The following CYP3A5 variants were observed in gnomAD, a reference collection of about 807,000 sequenced individuals.
CYP3A5 encodes cytochrome P450 3A5.
A neutral mutation model predicts 55.9 loss-of-function variants in CYP3A5; 51 were observed. The observed-to-expected ratio is 0.91, with a 90% confidence interval of 0.73 to 1.15. The LOEUF (loss-of-function observed/expected upper bound fraction) is 1.15, where lower values mean the gene tolerates loss of function less well. CYP3A5 is among the 50% of genes most tolerant of loss of function. CYP3A5 has a pLI of 0.00. For missense variants in CYP3A5, 533 were observed against 596.6 expected (o/e 0.89, Z 1.11); for synonymous variants, 196 against 213.9 (o/e 0.92, Z 0.73).
chr7:99,679,927 G>T lies in CYP3A5; in HGVS notation c.-31C>A. 6.2e-7 allele frequency: 1 copy of T among 1,601,746 alleles called. No individual in the cohort carries two copies. Among genetic ancestry groups the T allele is most frequent in the Non-Finnish European group, 8.6e-7 (1 of 1,168,836 alleles). ...CTTTCCTTCTTCAACTGTGTTCTGT[G>T]AGTCTTCCTTTTAGCTGAGTGCTGC... On this transcript the variant is annotated 5_prime_UTR_variant, in exon 1 of 13. Transcript: ENST00000222982.
In CYP3A5 at chr7:99,666,684, G is replaced by C. The variant is rs1237059482; in HGVS notation, c.438C>G (p.Phe146Leu). The C allele has an allele frequency of 6.2e-7, 1 of 1,614,080 alleles. No homozygotes were observed. The highest frequency in any genetic ancestry group is 2.2e-5 in the East Asian group (1 of 44,872). Residue 146 changes from phenylalanine to leucine, a missense_variant, in exon 6 of 13, where the codon TTC becomes TTG. Physicochemically the swap from Phe to Leu is conservative, Grantham distance 22. Coordinates refer to ENST00000222982, the MANE Select transcript of CYP3A5 (RefSeq NM_000777.5). Reference protein sequence around the residue: ...TFTSGKLKEMFPIIAQYGDVL... With the variant: ...TFTSGKLKEMLPIIAQYGDVL... ...CATCTCCATACTGGGCAATGATGGG[G>C]AACATCTAAGCACAAAACAGATCAG...
chr7:99,665,950 T>C (rs41301676), intron 6 of CYP3A5, among the ~76,000 whole-genome samples: 3,833 of 152,248 alleles, frequency 0.025, 167 homozygotes, highest in African/African-American at 0.088. Context: ...CTCTCCAACA[T>C]TGATTTGGAG....
chr7:99,656,229 G>T lies in CYP3A5; in HGVS notation c.1027-3450C>A, dbSNP rs182448374. 1.1e-3 allele frequency among the ~76,000 whole-genome samples: 168 copies of T among 152,162 alleles called. 5 individuals are homozygous for T. In the East Asian group the frequency reaches 0.03, roughly 27 times the overall value. On this transcript the variant is annotated intron_variant, in intron 10 of 12. Transcript: ENST00000222982. Reference sequence around the variant, plus strand: ...TTGGCTGTGGGTTTGTCATAAATTTGCTCTTATTATTTTGAGATAGGTTCC... The same window carrying T: ...TTGGCTGTGGGTTTGTCATAAATTTTCTCTTATTATTTTGAGATAGGTTCC...
In CYP3A5 at chr7:99,665,160, A is replaced by G. The variant is rs780382113; in HGVS notation, c.670+6T>C. Reference sequence around the variant, plus strand: ...AAAAGAGAGAAAGAAATAATAGCCCACATACTTATTGAGAGAAATAATGGA... The same window carrying G: ...AAAAGAGAGAAAGAAATAATAGCCCGCATACTTATTGAGAGAAATAATGGA... On this transcript the variant is annotated splice_donor_region_variant and intron_variant, in intron 7 of 12. Coordinates refer to ENST00000222982, the MANE Select transcript of CYP3A5 (RefSeq NM_000777.5). The G allele has an allele frequency of 6.2e-7, 1 of 1,601,116 alleles. No individual in the cohort carries two copies. Among genetic ancestry groups the G allele is most frequent in the African/African-American group, 1.3e-5 (1 of 74,242 alleles).
At chr7:99,665,845 CTAT>C (rs1810955279) in intron 6 of CYP3A5, among the ~76,000 whole-genome samples, 1 of 152,228 alleles carries the variant, frequency 6.6e-6, no homozygotes, top group Non-Finnish European at 1.5e-5. Context: ...GAAAACCCCA[CTAT>C]CCCCAGCTCC....
chr7:99,674,936 C>T (rs1347589711), intron 2 of CYP3A5, among the ~76,000 whole-genome samples: 4 of 152,212 alleles, frequency 2.6e-5, no homozygotes, highest in African/African-American at 9.6e-5. Context: ...AGGGGTGAAA[C>T]TGAGGTGAGG....
intron 1 of CYP3A5, 82 bp from the exon 2 acceptor site, chr7:99,676,290 T>C (rs1317688838): frequency 1.2e-6 from 2 of 1,601,348 alleles, no homozygotes; most frequent in Non-Finnish European, 1.7e-6. Flanking sequence ...GGAACTGGAA[T>C]GGTCAAGAGA....
At chr7:99,677,128 T>C (rs1260634279) in intron 1 of CYP3A5, 1 of 969,210 alleles carries the variant, frequency 1.0e-6, no homozygotes. Context: ...GTGTTCACTA[T>C]GGCAGGCCTG....
At chr7:99,652,415 A>G in intron 11 of CYP3A5, 138 bp downstream of exon 11, 1 of 620,986 alleles carries the variant, frequency 1.6e-6, no homozygotes, top group Non-Finnish European at 2.7e-6. Flanking sequence ...AAGTTTGATA[A>G]TTATCACTTT....
intron 3 of CYP3A5, among the ~76,000 whole-genome samples, chr7:99,673,641 C>T (rs1322319504): frequency 6.6e-6 from 1 of 152,172 alleles, no homozygotes; most frequent in African/African-American, 2.4e-5. Context: ...ATCTCTCAAC[C>T]CTTCTTTCAA....
rs1238934396 is a variant in CYP3A5, at chr7:99,650,217, C to T, written c.1269G>A (p.Lys423=). The T allele has an allele frequency of 6.2e-7, 1 of 1,613,454 alleles. No individual in the cohort carries two copies. The highest frequency in any genetic ancestry group is 2.2e-5 in the East Asian group (1 of 44,880). The change falls in exon 12 of 13, where the codon AAG becomes AAA. Residue 423 remains lysine, a synonymous_variant. Transcript: ENST00000222982. The part of the protein sequence containing the change: ...EFRPERFSKK[K]DSIDPYIYTP... ...TGTATATGTAAGGATCTATGCTGTC[C>T]TTCTTCTTACTGAACCTAGTTCCAT...
At chr7:99,673,070 C>T (rs901829843) in intron 3 of CYP3A5, 6 of 221,074 alleles carry the variant, frequency 2.7e-5, no homozygotes, top group Non-Finnish European at 4.7e-5. Context: ...AATATTAGGT[C>T]AGTGAAAAAT....
intron 10 of CYP3A5, among the ~76,000 whole-genome samples, chr7:99,655,139 A>T (rs1292587915): frequency 1.3e-5 from 2 of 152,224 alleles, no homozygotes; most frequent in African/African-American, 4.8e-5. Context: ...TGTTTTAGAC[A>T]TGAAGTCCTT....
rs913113796 is a variant in CYP3A5 at position 99,679,855 on chromosome 7, G to C, written c.42C>G (p.Leu14=). Residue 14 remains leucine, a synonymous_variant, in exon 1 of 13, where the codon CTC becomes CTG. Transcript: ENST00000222982. Reference sequence around the variant, plus strand: ...AGAGGAGCACCAGGCTGACAGCCAGGAGAAGCCAGGTTTCCACCGCCAAAT... The same window carrying C: ...AGAGGAGCACCAGGCTGACAGCCAGCAGAAGCCAGGTTTCCACCGCCAAAT... ...IPNLAVETWL[L]LAVSLVLLYL... 1.2e-6 allele frequency: 2 copies of C among 1,614,098 alleles called. No homozygotes were observed. Among genetic ancestry groups the C allele is most frequent in the African/African-American group, 1.3e-5 (1 of 75,024 alleles).
chr7:99,668,678 G>A (rs976089252), intron 4 of CYP3A5, among the ~76,000 whole-genome samples: 1 of 152,200 alleles, frequency 6.6e-6, no homozygotes, highest in Admixed American at 6.5e-5. Flanking sequence ...AACAAAGAGC[G>A]AGAGGACGCT....
Position 99,677,211 on chromosome 7 carries a change from C to G in CYP3A5, c.72-1003G>C, listed in dbSNP as rs1008303166. The G allele has an allele frequency of 8.1e-6, 8 of 985,270 alleles. No individual in the cohort carries two copies. In the East Asian group the frequency reaches 3.4e-4, roughly 42 times the overall value. 61.0% of individuals were successfully genotyped at this position (985,270 alleles called of 1,614,324 possible). A position where few individuals can be genotyped will look rare whatever the true frequency, so the allele number is the denominator to read the frequency against. ...GGTTCTGGATCCTTGCAGACCTTCCCCCTCCGGTGTGACTGAGGGATGGAA... is the reference window on the plus strand; with the variant it reads ...GGTTCTGGATCCTTGCAGACCTTCCGCCTCCGGTGTGACTGAGGGATGGAA... On this transcript the variant is annotated intron_variant, in intron 1 of 12. Transcript: ENST00000222982.
intron 8 of CYP3A5, chr7:99,663,344 CTCTA>C: frequency 1.0e-6 from 1 of 995,634 alleles, no homozygotes; most frequent in Non-Finnish European, 1.2e-6. Flanking sequence ...CATTCTCAAA[CTCTA>C]TATAATCTTC....
chr7:99,679,791 A>G, intron 1 of CYP3A5, 35 bp downstream of exon 1: 1 of 1,608,698 alleles, frequency 6.2e-7, no homozygotes, highest in Non-Finnish European at 8.5e-7. Flanking sequence ...CCCAAGTCCA[A>G]GGAAACAAAG....
intron 4 of CYP3A5, among the ~76,000 whole-genome samples, chr7:99,667,594 T>C (rs1584454170): frequency 6.6e-6 from 1 of 152,224 alleles, no homozygotes; most frequent in Non-Finnish European, 1.5e-5. Flanking sequence ...CCTTGAAAAT[T>C]CTTTTCTCTT....
Sources: allele counts gnomAD v4.1 joint callset (sites outside exome capture counted in the v4.1 genomes callset), GRCh38; gene constraint gnomAD v4.1.1; transcripts MANE v1.5; gene names NCBI Gene and HGNC (gene_info 2026-07-23, HGNC 2026-07-21).